Variants in RICTOR observed in about 807,000 individuals in gnomAD.
RICTOR encodes RPTOR independent companion of MTOR complex 2.
A neutral mutation model predicts 214.9 loss-of-function variants in RICTOR; 49 were observed. The observed-to-expected ratio is 0.23, with a 90% CI of 0.18 to 0.29. The LOEUF (loss-of-function observed/expected upper bound fraction) is 0.29, where lower values mean the gene tolerates loss of function less well. RICTOR is among the 10% of genes least tolerant of loss of function. RICTOR has a pLI of 1.00. For synonymous variants in RICTOR, 717 were observed against 711.3 expected, an observed-to-expected ratio of 1.01 and a Z score of -0.13; for missense variants, 1,625 against 2,047.0, an observed-to-expected ratio of 0.79 and a Z score of 3.98.
chr5:39,041,672 C>G (rs773923149), intron 2 of RICTOR, among the ~76,000 whole-genome samples: 7 of 152,086 alleles, frequency 4.6e-5, no homozygotes, highest in Non-Finnish European at 7.4e-5. Flanking sequence ...TATTCACTAA[C>G]AGGGAATCCT....
intron 35 of RICTOR, 77 bp from the exon 36 acceptor site, chr5:38,944,646 A>C (rs1228784888): frequency 1.6e-6 from 2 of 1,285,658 alleles, no homozygotes; most frequent in East Asian, 4.7e-5. Context: ...ATTTATTTTT[A>C]AACTTCACCT....
At position 39,049,306 on chromosome 5, in the gene RICTOR, T is replaced by C. The variant is rs575349667; in HGVS notation, c.97+24805A>G. The stretch of plus-strand genomic sequence containing the variant: ...AACAGAAACAAGAAAAAAAAAGATA[T>C]AAAAAGACTAAAAATCAGAATTATT... On this transcript the variant is annotated intron_variant, in intron 2 of 37. Transcript: ENST00000357387. Among the ~76,000 whole-genome samples, 4 of 151,736 alleles carry C rather than the reference T, an allele frequency of 2.6e-5. No homozygotes were observed. In the East Asian group the frequency reaches 7.8e-4, roughly 29 times the overall value.
At chr5:38,972,938 C>A (rs1579961110) in intron 10 of RICTOR, among the ~76,000 whole-genome samples, 1 of 144,038 alleles carries the variant, frequency 6.9e-6, no homozygotes, top group Non-Finnish European at 1.5e-5. Context: ...AAAAGAAGAA[C>A]ATATTACTGA....
At chr5:39,051,524 G>C (rs1264797994) in intron 2 of RICTOR, among the ~76,000 whole-genome samples, 1 of 152,148 alleles carries the variant, frequency 6.6e-6, no homozygotes, top group Non-Finnish European at 1.5e-5. Context: ...GAGGCACGTG[G>C]AACACCTGAG....
At chr5:38,955,755 A>T in intron 25 of RICTOR, 51 bp from the exon 26 acceptor site, 1 of 970,500 alleles carries the variant, frequency 1.0e-6, no homozygotes, top group Non-Finnish European at 1.7e-6. Flanking sequence ...TGAGTCACTA[A>T]ATTTAAAATA....
intron 2 of RICTOR, among the ~76,000 whole-genome samples, chr5:39,061,991 A>C (rs1758571607): frequency 6.6e-6 from 1 of 152,056 alleles, no homozygotes; most frequent in African/African-American, 2.4e-5. Context: ...AAACTATTCC[A>C]ATCTAAAATT....
chr5:38,952,776 A>G (rs777788879), intron 29 of RICTOR, among the ~76,000 whole-genome samples: 25 of 152,000 alleles, frequency 1.6e-4, no homozygotes, highest in Non-Finnish European at 2.8e-4. Flanking sequence ...CCTACAAGGT[A>G]AACTTCAATA....
chr5:38,958,387 T>G (rs992434331), intron 24 of RICTOR, 56 bp downstream of exon 24: 13 of 1,108,858 alleles, frequency 1.2e-5, no homozygotes, highest in South Asian at 5.0e-5. Context: ...ATCTTTAATA[T>G]ACACTGCCAA....
chr5:39,006,070 T>C (rs1160700783), intron 3 of RICTOR, among the ~76,000 whole-genome samples: 1 of 152,216 alleles, frequency 6.6e-6, no homozygotes, highest in Non-Finnish European at 1.5e-5. Flanking sequence ...AAAACCTCTG[T>C]GCTGTTTTTT....
intron 3 of RICTOR, among the ~76,000 whole-genome samples, chr5:39,017,327 A>G (rs1755036419): frequency 6.6e-6 from 1 of 152,162 alleles, no homozygotes; most frequent in Non-Finnish European, 1.5e-5. Flanking sequence ...CTGGTGAAAT[A>G]AAACTATAAA....
chr5:38,943,866 G>A (rs962435731), intron 36 of RICTOR, among the ~76,000 whole-genome samples: 6 of 152,054 alleles, frequency 3.9e-5, no homozygotes, highest in African/African-American at 7.2e-5. Flanking sequence ...ACCCTGAGGT[G>A]CATTTCTTTT....
At chr5:39,049,344 A>T (rs1006197904) in intron 2 of RICTOR, among the ~76,000 whole-genome samples, 7 of 152,236 alleles carry the variant, frequency 4.6e-5, no homozygotes, top group Non-Finnish European at 8.8e-5. Context: ...ATGAAATAAT[A>T]ATTATGTTTT....
chr5:39,062,491 T>A (rs1262401300), intron 2 of RICTOR, among the ~76,000 whole-genome samples: 1 of 151,914 alleles, frequency 6.6e-6, no homozygotes, highest in Non-Finnish European at 1.5e-5. Context: ...CATTATAGAA[T>A]TATGAGTGAA....
chr5:38,980,661 C>T (rs567303033), intron 8 of RICTOR, among the ~76,000 whole-genome samples: 2 of 152,208 alleles, frequency 1.3e-5, no homozygotes, highest in South Asian at 4.2e-4. Context: ...GCCTGAGCAA[C>T]ATGGCAAAGC....
chr5:39,044,818 T>C (rs1030685617), intron 2 of RICTOR, among the ~76,000 whole-genome samples: 3 of 152,214 alleles, frequency 2.0e-5, no homozygotes, highest in African/African-American at 7.2e-5. Flanking sequence ...CTGATCCTTT[T>C]CTATTCCACC....
At chr5:38,961,149 T>A (rs1042369651) in intron 19 of RICTOR, among the ~76,000 whole-genome samples, 5 of 151,352 alleles carry the variant, frequency 3.3e-5, no homozygotes, top group Non-Finnish European at 5.9e-5. Context: ...AACCTTCATT[T>A]AAAAAAAAAT....
intron 2 of RICTOR, among the ~76,000 whole-genome samples, chr5:39,046,226 T>C (rs968996050): frequency 2.6e-5 from 4 of 151,000 alleles, no homozygotes; most frequent in African/African-American, 9.7e-5. Context: ...CAGCTGGGCA[T>C]AGTGGCATAC....
At chr5:38,946,369 A>T in intron 33 of RICTOR, 99 bp downstream of exon 33, 1 of 734,800 alleles carries the variant, frequency 1.4e-6, no homozygotes, top group Non-Finnish European at 2.4e-6. Context: ...TCCAAAAGTG[A>T]GTCTTCCTAA....
In RICTOR at chr5:38,950,029, C is replaced by T. The variant is rs762049500; in HGVS notation, c.3819G>A (p.Gln1273=). Residue 1273 remains glutamine (Q), a synonymous_variant, in exon 31 of 38, where the codon CAG becomes CAA. Coordinates refer to ENST00000357387, the MANE Select transcript of RICTOR (RefSeq NM_152756.5). ...TIKTSHYLTP[Q]SNHLSLSKSN... ...ATTTGGAGAGAGACAGATGGTTAGA[C>T]TGTGGCGTCAAATAGTGGCTTGTCT... 1.9e-6 allele frequency: 3 copies of T among 1,613,422 alleles called. No individual in the cohort carries two copies. Among genetic ancestry groups the T allele is most frequent in the South Asian group, 1.1e-5 (1 of 91,076 alleles).
Sources: gnomAD v4.1 joint callset for allele counts (sites outside exome capture counted in the v4.1 genomes callset) on GRCh38, gnomAD v4.1.1 for gene constraint, MANE v1.5 for transcripts, NCBI Gene and HGNC (gene_info 2026-07-23, HGNC 2026-07-21) for gene names.